The following USP34 variants were observed in gnomAD, a reference collection of about 807,000 sequenced individuals.
USP34 encodes ubiquitin specific peptidase 34.
In USP34, 70 loss-of-function variants were observed where a neutral mutation model predicts 460.3. The ratio of observed to expected loss-of-function variants is 0.15; its 90% CI spans 0.13 to 0.19. The LOEUF (loss-of-function observed/expected upper bound fraction) is 0.19. USP34 is among the 10% of genes least tolerant of loss of function. USP34 has a pLI of 1.00. For missense variants in USP34, 3,985 were observed against 4,236.2 expected, an observed-to-expected ratio of 0.94 and a Z score of 1.65; for synonymous variants, 1,647 against 1,405.3, an observed-to-expected ratio of 1.17 and a Z score of -3.85.
intron 15 of USP34, among the ~76,000 whole-genome samples, chr2:61,347,662 C>G (rs554325449): frequency 1.3e-5 from 2 of 152,318 alleles, no homozygotes; most frequent in South Asian, 4.1e-4. Flanking sequence ...GTGTGAGCCA[C>G]TGTGCATGGC....
chr2:61,241,363 T>C (rs1299749484), intron 53 of USP34, among the ~76,000 whole-genome samples, 197 bp downstream of exon 53: 1 of 152,140 alleles, frequency 6.6e-6, no homozygotes, highest in Non-Finnish European at 1.5e-5. Flanking sequence ...TTTAGTGATA[T>C]TTTCTACTCC....
chr2:61,468,191 A>G (rs926310933), intron 1 of USP34, among the ~76,000 whole-genome samples: 1 of 152,138 alleles, frequency 6.6e-6, no homozygotes, highest in Non-Finnish European at 1.5e-5. Flanking sequence ...TGAAGTAAAA[A>G]AAATGTTTTT....
At chr2:61,201,325 C>G (rs1038078732) in intron 75 of USP34, among the ~76,000 whole-genome samples, 2 of 148,632 alleles carry the variant, frequency 1.3e-5, no homozygotes, top group Non-Finnish European at 3.0e-5. Flanking sequence ...AAGCAATTCT[C>G]TGGCCTCTCA....
chr2:61,353,311 T>G (rs1234296503), intron 10 of USP34, among the ~76,000 whole-genome samples: 1 of 151,994 alleles, frequency 6.6e-6, no homozygotes, highest in African/African-American at 2.4e-5. Context: ...ACTTTTTTTT[T>G]GCGGAACAAA....
At chr2:61,192,146 GA>G (rs1660205479) in intron 76 of USP34, among the ~76,000 whole-genome samples, 2 of 152,202 alleles carry the variant, frequency 1.3e-5, no homozygotes, top group African/African-American at 4.8e-5. Context: ...AGGAAAGCAT[GA>G]TGTGGGTCAA....
chr2:61,367,299 C>T (rs1692470165), intron 10 of USP34, among the ~76,000 whole-genome samples: 1 of 151,648 alleles, frequency 6.6e-6, no homozygotes, highest in African/African-American at 2.4e-5. Context: ...TTTAGAAGCA[C>T]GAGTGCGCGC....
rs1373843872 is a variant in USP34 at position 61,228,979 on chromosome 2, T to C, written c.7216A>G (p.Thr2406Ala). The C allele has an allele frequency of 1.3e-6, 2 of 1,591,886 alleles. No homozygotes were observed. Among genetic ancestry groups the C allele is most frequent in the Admixed American group, 3.6e-5 (2 of 56,062 alleles). ...GMEDGSDDMD[T>A]SVEDIGGRSC... The stretch of plus-strand genomic sequence containing the variant: ...CGACCACCAATATCTTCTACTGAGG[T>C]ATCCATATCATCTGACCTAAGAGAC... The change falls in exon 60 of 80, where the codon ACC (threonine) becomes GCC (alanine). Residue 2406 changes from threonine (T) to alanine (A), a missense_variant. Physicochemically the swap from Thr to Ala is moderately conservative, Grantham distance 58. Coordinates refer to ENST00000398571, the MANE Select transcript of USP34 (RefSeq NM_014709.4).
rs1342683773 is a variant in USP34 at position 61,372,501 on chromosome 2, G to A, written c.1077-1922C>T. Among the ~76,000 whole-genome samples the A allele has an allele frequency of 2.4e-4, 36 of 152,142 alleles. 1 individual carries two copies. The highest frequency in any genetic ancestry group is 1.8e-3 in the Admixed American group (28 of 15,270). ...CCTAGCACTTTGGGAGACTGAGGTC[G>A]AGGGGACTGCTTGAGCCTAGGAGTT... On this transcript the variant is annotated intron_variant, in intron 8 of 79. Transcript: ENST00000398571.
At chr2:61,461,507 T>A (rs371324228) in intron 1 of USP34, among the ~76,000 whole-genome samples, 2 of 152,194 alleles carry the variant, frequency 1.3e-5, no homozygotes, top group African/African-American at 4.8e-5. Context: ...AATTGCTTAA[T>A]ACATTCTCTA....
chr2:61,291,639 T>G (rs765933404), intron 33 of USP34, among the ~76,000 whole-genome samples: 1 of 152,196 alleles, frequency 6.6e-6, no homozygotes, highest in Non-Finnish European at 1.5e-5. Context: ...TGCTTATGAA[T>G]GGTCAACAGA....
chr2:61,424,767 A>T (rs1273099788), intron 1 of USP34, among the ~76,000 whole-genome samples: 1 of 152,116 alleles, frequency 6.6e-6, no homozygotes. Context: ...TTTTACCACA[A>T]TTAAAAATTT....
chr2:61,405,597 C>A lies in USP34; in HGVS notation c.552+111G>T, dbSNP rs987332059. 5.8e-6 allele frequency: 6 copies of A among 1,037,382 alleles called. No homozygotes were observed. The South Asian group carries it at 8.1e-5, about 14-fold the overall frequency. The allele number at this position is 1,037,382 out of a possible 1,614,324, so 64.3% of individuals were successfully genotyped here. The stretch of plus-strand genomic sequence containing the variant: ...GAGAAACATTAAATAATTCTGGTGA[C>A]AATAATGATTTTCCGCCAGCAGAAA... On this transcript the variant is annotated intron_variant, in intron 3 of 79. Transcript: ENST00000398571.
At chr2:61,212,499 T>C (rs530400138) in intron 68 of USP34, among the ~76,000 whole-genome samples, 52 of 152,316 alleles carry the variant, frequency 3.4e-4, no homozygotes, top group African/African-American at 1.2e-3. Flanking sequence ...TGTTCCAACA[T>C]TTAAAATGCT....
intron 6 of USP34, among the ~76,000 whole-genome samples, chr2:61,382,010 A>T (rs1692989178): frequency 6.6e-6 from 1 of 152,094 alleles, no homozygotes; most frequent in Non-Finnish European, 1.5e-5. Flanking sequence ...TATACCCTAT[A>T]ATGACCAGTA....
intron 37 of USP34, among the ~76,000 whole-genome samples, chr2:61,281,847 A>G (rs1689544316): frequency 6.6e-6 from 1 of 152,180 alleles, no homozygotes; most frequent in Non-Finnish European, 1.5e-5. Flanking sequence ...AAGAGGATAA[A>G]ATATTTTCAG....
intron 1 of USP34, among the ~76,000 whole-genome samples, chr2:61,453,551 A>C (rs1321109084): frequency 2.0e-5 from 3 of 151,672 alleles, no homozygotes; most frequent in Non-Finnish European, 4.4e-5. Context: ...CTCTACTAAA[A>C]ATACAAAAAT....
At chr2:61,252,163 T>C (rs942287743) in intron 48 of USP34, among the ~76,000 whole-genome samples, 3 of 152,196 alleles carry the variant, frequency 2.0e-5, no homozygotes, top group African/African-American at 7.2e-5. Context: ...AGAGTTTTCC[T>C]TTCTTCCCTA....
chr2:61,197,927 A>G (rs891046091), intron 75 of USP34, among the ~76,000 whole-genome samples: 1 of 151,876 alleles, frequency 6.6e-6, no homozygotes, highest in Non-Finnish European at 1.5e-5. Context: ...GCCCAGCTAG[A>G]TTTTTGTATT....
At chr2:61,288,562 C>T in intron 34 of USP34, 115 bp downstream of exon 34, 2 of 1,054,814 alleles carry the variant, frequency 1.9e-6, no homozygotes, top group Non-Finnish European at 2.8e-6. Context: ...GCCGTCAGTT[C>T]AGCTGTCAGG....
Sources: gnomAD v4.1 joint callset for allele counts (sites outside exome capture counted in the v4.1 genomes callset) on GRCh38, gnomAD v4.1.1 for gene constraint, MANE v1.5 for transcripts, NCBI Gene and HGNC (gene_info 2026-07-23, HGNC 2026-07-21) for gene names.